Variants in OPN5 observed in about 807,000 individuals in gnomAD.
OPN5 encodes the protein opsin 5, also known as opsin-5.
In OPN5, 18 loss-of-function variants were observed where a neutral mutation model predicts 41.7. That is an observed-to-expected ratio of 0.43 (90% CI 0.30 to 0.64). The LOEUF is 0.64. Among genes scored for constraint, OPN5 ranks in the 30% least tolerant of loss-of-function variants. The probability of loss-of-function intolerance (pLI) is 0.13; values close to 1 mark genes in which losing one functional copy is unlikely to be tolerated. For missense variants in OPN5, 318 were observed against 434.5 expected, an observed-to-expected ratio of 0.73 and a Z score of 2.38; for synonymous variants, 178 against 164.3, an observed-to-expected ratio of 1.08 and a Z score of -0.64.
At chr6:47,784,551 G>A (rs1773154172) in intron 1 of OPN5, among the ~76,000 whole-genome samples, 1 of 152,090 alleles carries the variant, frequency 6.6e-6, no homozygotes, top group South Asian at 2.1e-4. Context: ...GCCCACCTCA[G>A]CCTCCCAAAG....
At chr6:47,784,082 C>T (rs1179253370) in intron 1 of OPN5, among the ~76,000 whole-genome samples, 1 of 152,022 alleles carries the variant, frequency 6.6e-6, no homozygotes, top group Non-Finnish European at 1.5e-5. Context: ...TGAGATGGAG[C>T]CAGAAAAACA....
At chr6:47,801,987 T>C (rs1482742723) in intron 4 of OPN5, among the ~76,000 whole-genome samples, 1 of 152,256 alleles carries the variant, frequency 6.6e-6, no homozygotes, top group Non-Finnish European at 1.5e-5. Flanking sequence ...TGAGAGGTGT[T>C]ACATAGTCAA....
exon 5 of OPN5, chr6:47,808,377 A>C (rs1774058232): frequency 6.2e-7 from 1 of 1,614,046 alleles, no homozygotes; most frequent in Non-Finnish European, 8.5e-7. Context: ...ACCAAGAAGA[A>C]GTCTCTGGAA....
At chr6:47,824,017 A>C (rs1477171307) in exon 7 of OPN5, 1 of 1,544,024 alleles carries the variant, frequency 6.5e-7, no homozygotes, top group Admixed American at 2.0e-5. Context: ...TGAAGAGTGC[A>C]TCTGAAGTGC....
intron 2 of OPN5, among the ~76,000 whole-genome samples, chr6:47,791,375 A>AT (rs1452004730): frequency 3.3e-5 from 5 of 151,910 alleles, no homozygotes; most frequent in Non-Finnish European, 7.4e-5. Flanking sequence ...TGAAGAGTGT[A>AT]TTTTCTCTCA....
At chr6:47,792,688 T>C (rs1581732254) in intron 3 of OPN5, among the ~76,000 whole-genome samples, 3 of 152,340 alleles carry the variant, frequency 2.0e-5, no homozygotes, top group African/African-American at 7.2e-5. Flanking sequence ...TTTGGGTCTT[T>C]AAGTTTAATA....
chr6:47,786,990 C>T (rs1025100591), intron 2 of OPN5: 2 of 857,802 alleles, frequency 2.3e-6, no homozygotes, highest in African/African-American at 3.6e-5. Flanking sequence ...CTTCTTTACA[C>T]CTCTTCAACC....
chr6:47,796,620 G>A (rs1029179349), intron 4 of OPN5, among the ~76,000 whole-genome samples: 4 of 151,926 alleles, frequency 2.6e-5, no homozygotes, highest in African/African-American at 2.4e-5. Flanking sequence ...AATCAATCAC[G>A]TTGATTGGTA....
chr6:47,815,498 A>C (rs1260564150), intron 6 of OPN5, among the ~76,000 whole-genome samples: 1 of 152,174 alleles, frequency 6.6e-6, no homozygotes, highest in Non-Finnish European at 1.5e-5. Flanking sequence ...GACTGCCAAA[A>C]CATCAGAGAA....
intron 4 of OPN5, among the ~76,000 whole-genome samples, chr6:47,795,978 A>T: frequency 6.6e-6 from 1 of 152,186 alleles, no homozygotes; most frequent in East Asian, 1.9e-4. Flanking sequence ...TTGGGACATC[A>T]TTAGGGACAT....
exon 6 of OPN5, chr6:47,811,725 T>A (rs1165548228): frequency 2.7e-5 from 44 of 1,608,600 alleles, no homozygotes; most frequent in Non-Finnish European, 3.6e-5. Context: ...TGGAAATTCA[T>A]GAAGAGGTAT....
chr6:47,822,588 T>C (rs963966753), intron 6 of OPN5, among the ~76,000 whole-genome samples: 1 of 151,794 alleles, frequency 6.6e-6, no homozygotes, highest in African/African-American at 2.4e-5. Flanking sequence ...ACATCCAGAG[T>C]AGTTGGTTGG....
At chr6:47,790,065 G>A (rs1036721367) in intron 2 of OPN5, among the ~76,000 whole-genome samples, 2 of 152,076 alleles carry the variant, frequency 1.3e-5, no homozygotes, top group Non-Finnish European at 2.9e-5. Context: ...GTTGTAAACA[G>A]CTTGGACCTC....
chr6:47,822,494 A>G (rs1045605446), intron 6 of OPN5, among the ~76,000 whole-genome samples: 1 of 152,226 alleles, frequency 6.6e-6, no homozygotes, highest in African/African-American at 2.4e-5. Flanking sequence ...TTGCTCAATA[A>G]ATTTCCCAAT....
At chr6:47,800,809 G>T (rs1176847805) in intron 4 of OPN5, among the ~76,000 whole-genome samples, 1 of 152,220 alleles carries the variant, frequency 6.6e-6, no homozygotes, top group Non-Finnish European at 1.5e-5. Flanking sequence ...TTTTCTTACT[G>T]ATACAATTTT....
At chr6:47,803,140 C>A (rs183644879) in intron 4 of OPN5, among the ~76,000 whole-genome samples, 2 of 152,194 alleles carry the variant, frequency 1.3e-5, no homozygotes, top group African/African-American at 4.8e-5. Context: ...GAAATTCCAA[C>A]TAGACACACT....
At chr6:47,806,392 T>C (rs1773965218) in intron 4 of OPN5, among the ~76,000 whole-genome samples, 1 of 152,168 alleles carries the variant, frequency 6.6e-6, no homozygotes, top group Non-Finnish European at 1.5e-5. Context: ...AATACTCTAA[T>C]TTCTTATTTC....
At chr6:47,820,488 T>C (rs1307642565) in intron 6 of OPN5, among the ~76,000 whole-genome samples, 1 of 152,224 alleles carries the variant, frequency 6.6e-6, no homozygotes, top group Non-Finnish European at 1.5e-5. Flanking sequence ...CTAGGTCTCT[T>C]ACAATAATTC....
intron 6 of OPN5, among the ~76,000 whole-genome samples, chr6:47,817,562 T>C (rs1187076951): frequency 6.6e-6 from 1 of 152,150 alleles, no homozygotes; most frequent in African/African-American, 2.4e-5. Context: ...GGGTATCTCC[T>C]GAGAGCTGGT....
Sources: allele counts gnomAD v4.1 joint callset (sites outside exome capture counted in the v4.1 genomes callset), GRCh38; gene constraint gnomAD v4.1.1; transcripts MANE v1.5; gene names NCBI Gene and HGNC (gene_info 2026-07-23, HGNC 2026-07-21).